EIF4G3: variants seen among roughly 807,000 people sequenced by gnomAD.
EIF4G3 encodes eukaryotic translation initiation factor 4 gamma 3.
Under a neutral mutation model 186.4 loss-of-function variants are expected in EIF4G3, and 34 were observed. The ratio of observed to expected loss-of-function variants is 0.18; its 90% CI spans 0.14 to 0.24. The LOEUF is 0.24. EIF4G3 is among the 10% of genes least tolerant of loss of function. The pLI, the probability that EIF4G3 is intolerant of heterozygous loss-of-function variation, is 1.00. For synonymous variants in EIF4G3, 673 were observed against 679.5 expected, an observed-to-expected ratio of 0.99 and a Z score of 0.15; for missense variants, 1,536 against 1,948.5, an observed-to-expected ratio of 0.79 and a Z score of 3.99.
intron 33 of EIF4G3, among the ~76,000 whole-genome samples, chr1:20,820,012 T>C (rs1028476363): frequency 6.6e-6 from 1 of 152,050 alleles, no homozygotes; most frequent in Admixed American, 6.5e-5. Flanking sequence ...GTACACTGCA[T>C]GGAGCCGGTG....
intron 14 of EIF4G3, among the ~76,000 whole-genome samples, chr1:20,926,046 T>C (rs1009794640): frequency 1.3e-5 from 2 of 152,204 alleles, no homozygotes; most frequent in African/African-American, 4.8e-5. Flanking sequence ...TGTAGCTTTA[T>C]GTATATATTC....
chr1:21,029,431 AGGGAC>A (rs2092520627), intron 4 of EIF4G3, among the ~76,000 whole-genome samples: 1 of 151,792 alleles, frequency 6.6e-6, no homozygotes, highest in Admixed American at 6.6e-5. Flanking sequence ...AGTTAGATTC[AGGGAC>A]GAGAACTGGG....
At chr1:20,969,379 A>G (rs2075366308) in intron 12 of EIF4G3, 95 bp downstream of exon 12, 1 of 1,431,794 alleles carries the variant, frequency 7.0e-7, no homozygotes, top group Non-Finnish European at 9.5e-7. Context: ...AACTGATGGA[A>G]ATGAAAAGTA....
chr1:21,125,442 G>C (rs2097014019), intron 2 of EIF4G3, among the ~76,000 whole-genome samples: 1 of 152,210 alleles, frequency 6.6e-6, no homozygotes, highest in Non-Finnish European at 1.5e-5. Context: ...CAATAGGCCA[G>C]GAGCAGTGGC....
At chr1:20,856,695 T>C (rs2075008036) in intron 25 of EIF4G3, among the ~76,000 whole-genome samples, 1 of 152,202 alleles carries the variant, frequency 6.6e-6, no homozygotes, top group Non-Finnish European at 1.5e-5. Flanking sequence ...GGCAAATCTT[T>C]CATGGTTAGG....
At chr1:20,869,907 T>G (rs1291164439) in intron 20 of EIF4G3, among the ~76,000 whole-genome samples, 2 of 152,106 alleles carry the variant, frequency 1.3e-5, no homozygotes, top group African/African-American at 4.8e-5. Context: ...ATCGTGACCT[T>G]AGGCAATTTA....
chr1:20,979,551 T>C (rs866111501), intron 10 of EIF4G3, among the ~76,000 whole-genome samples: 5 of 152,024 alleles, frequency 3.3e-5, no homozygotes, highest in Non-Finnish European at 5.9e-5. Context: ...GAAAAAGAGA[T>C]TGTGAAAGGA....
chr1:21,107,070 TG>T (rs2096630469), intron 2 of EIF4G3, among the ~76,000 whole-genome samples: 1 of 152,196 alleles, frequency 6.6e-6, no homozygotes, highest in African/African-American at 2.4e-5. Flanking sequence ...AACTCTCTCC[TG>T]GAACAGAAAT....
At chr1:20,893,375 G>T in intron 18 of EIF4G3, 142 bp downstream of exon 18, 1 of 837,596 alleles carries the variant, frequency 1.2e-6, no homozygotes, top group Non-Finnish European at 1.7e-6. Context: ...TTTAATATGA[G>T]TATGGAAAGG....
chr1:21,063,954 C>T (rs1334608926), intron 3 of EIF4G3, among the ~76,000 whole-genome samples: 1 of 151,680 alleles, frequency 6.6e-6, no homozygotes, highest in Non-Finnish European at 1.5e-5. Context: ...AACTCCTGAC[C>T]TGACCTCAAG....
intron 3 of EIF4G3, among the ~76,000 whole-genome samples, chr1:21,082,252 C>A (rs2095813787): frequency 6.6e-6 from 1 of 150,830 alleles, no homozygotes; most frequent in Non-Finnish European, 1.5e-5. Context: ...TTAACCAACT[C>A]AATGAAAGTG....
At chr1:21,052,604 CTT>C (rs1208661531) in intron 3 of EIF4G3, among the ~76,000 whole-genome samples, 5 of 152,114 alleles carry the variant, frequency 3.3e-5, no homozygotes, top group Non-Finnish European at 7.4e-5. Flanking sequence ...CTCTCCCTCT[CTT>C]TCCACGGTCT....
chr1:21,102,851 T>A (rs1294124434), intron 2 of EIF4G3, among the ~76,000 whole-genome samples: 1 of 152,112 alleles, frequency 6.6e-6, no homozygotes, highest in Non-Finnish European at 1.5e-5. Context: ...AAAATTAAAA[T>A]AACAAATGTC....
intron 14 of EIF4G3, 40 bp from the exon 15 acceptor site, chr1:20,905,011 G>C (rs746412684): frequency 3.4e-6 from 5 of 1,467,802 alleles, no homozygotes; most frequent in Non-Finnish European, 4.7e-6. Flanking sequence ...CCACTGCAAA[G>C]TCATTCTGAG....
In EIF4G3 at chr1:20,941,678, G is replaced by T. The variant is rs2095718863; in HGVS notation, c.1476C>A (p.Ala492=). The change falls in exon 14 of 37, where the codon GCC becomes GCA. Residue 492 remains alanine (A), a synonymous_variant. Transcript: ENST00000602326. ...CAGCACTCGGAGAACTAACAGTAGT[G>T]GCAGCAGCAGGAACAATGACTGGAG... ...PHTPVIVPAA[A]TTVSSPSAAI... 2 of 1,613,360 alleles carry T rather than the reference G, an allele frequency of 1.2e-6. No homozygotes were observed. Among genetic ancestry groups the T allele is most frequent in the Non-Finnish European group, 1.7e-6 (2 of 1,179,728 alleles).
chr1:21,001,549 G>A (rs1361223690), intron 5 of EIF4G3, among the ~76,000 whole-genome samples: 1 of 152,094 alleles, frequency 6.6e-6, no homozygotes, highest in Admixed American at 6.6e-5. Flanking sequence ...AGTAAGTCAA[G>A]TGTACACATC....
chr1:21,033,055 G>T (rs2092876068), intron 4 of EIF4G3, among the ~76,000 whole-genome samples: 1 of 152,132 alleles, frequency 6.6e-6, no homozygotes, highest in African/African-American at 2.4e-5. Flanking sequence ...ACTGCTGAAT[G>T]ATTTCTGGAA....
At chr1:21,047,804 A>C (rs1277627581) in intron 4 of EIF4G3, among the ~76,000 whole-genome samples, 2 of 152,160 alleles carry the variant, frequency 1.3e-5, no homozygotes, top group African/African-American at 2.4e-5. Flanking sequence ...CCTAAAAAAA[A>C]CTTGAGTTTC....
At chr1:20,971,522 T>C (rs2075883606) in intron 11 of EIF4G3, among the ~76,000 whole-genome samples, 1 of 152,258 alleles carries the variant, frequency 6.6e-6, no homozygotes, top group Admixed American at 6.5e-5. Flanking sequence ...GCATATAGTT[T>C]CTTGACTGTA....
Sources: gnomAD v4.1 joint callset for allele counts (sites outside exome capture counted in the v4.1 genomes callset) on GRCh38, gnomAD v4.1.1 for gene constraint, MANE v1.5 for transcripts, NCBI Gene and HGNC (gene_info 2026-07-23, HGNC 2026-07-21) for gene names.